Variants in DNAJA4 observed in about 807,000 individuals in gnomAD.
DNAJA4 encodes the protein dnaJ homolog subfamily A member 4.
Under a neutral mutation model 39.7 loss-of-function variants are expected in DNAJA4, and 32 were observed. The observed-to-expected ratio is 0.81, with a 90% confidence interval of 0.61 to 1.08. The LOEUF (loss-of-function observed/expected upper bound fraction) is 1.08. Ranked by LOEUF, DNAJA4 falls within the 50% of genes least tolerant of loss-of-function variation. The pLI is 0.00. For synonymous variants in DNAJA4, 184 were observed against 182.4 expected, an observed-to-expected ratio of 1.01 and a Z score of -0.07; for missense variants, 439 against 505.1, an observed-to-expected ratio of 0.87 and a Z score of 1.25.
intron 1 of DNAJA4, among the ~76,000 whole-genome samples, chr15:78,268,834 G>A (rs1235182464): frequency 6.6e-6 from 1 of 152,236 alleles, no homozygotes; most frequent in African/African-American, 2.4e-5. Flanking sequence ...GGGGGCTACA[G>A]CATAAGCAGT....
At chr15:78,278,100 G>A (rs751448300) in intron 5 of DNAJA4, 1 of 455,956 alleles carries the variant, frequency 2.2e-6, no homozygotes, top group South Asian at 1.5e-5. Context: ...GCTGAGGATT[G>A]GATTAATTAA....
chr15:78,266,112 A>G, intron 1 of DNAJA4: 5 of 841,860 alleles, frequency 5.9e-6, no homozygotes, highest in Non-Finnish European at 7.4e-6. Context: ...TTTTAAAGGC[A>G]CTGGCGTTTT....
chr15:78,267,185 T>TGA (rs2049158979), intron 1 of DNAJA4, among the ~76,000 whole-genome samples: 1 of 102,516 alleles, frequency 9.8e-6, no homozygotes, highest in East Asian at 3.8e-4. Context: ...TGTGTGAGTG[T>TGA]GTGTGTGAGT....
At chr15:78,277,778 G>A in intron 5 of DNAJA4, 1 of 340,166 alleles carries the variant, frequency 2.9e-6, no homozygotes, top group South Asian at 2.4e-5. Context: ...GAGCCAAATG[G>A]AGTGAGGGTG....
chr15:78,273,739 T>G (rs890331857), intron 3 of DNAJA4, among the ~76,000 whole-genome samples: 1 of 152,188 alleles, frequency 6.6e-6, no homozygotes, highest in African/African-American at 2.4e-5. Flanking sequence ...TATATATAAT[T>G]ATTGTAATTT....
intron 1 of DNAJA4, chr15:78,265,479 A>G (rs762131388): frequency 1.4e-5 from 10 of 702,244 alleles, no homozygotes; most frequent in Non-Finnish European, 2.3e-5. Flanking sequence ...TTTATTAAAC[A>G]GGGACACGGA....
chr15:78,279,969 G>A lies in DNAJA4; in HGVS notation c.878-76G>A, dbSNP rs1595929984. On this transcript the variant is annotated intron_variant, in intron 5 of 6. Coordinates refer to ENST00000394852, the MANE Select transcript of DNAJA4 (RefSeq NM_001130182.2). This position sits in a 1 kb window ranked among gnomAD's most constrained non-coding sequence, Gnocchi z 4.5. ...CCACGGGGCACTAGGGCCTGCCGCAGGCTCTCCCATGAGGGAGAACGACCT... is the reference window on the plus strand; with the variant it reads ...CCACGGGGCACTAGGGCCTGCCGCAAGCTCTCCCATGAGGGAGAACGACCT... The A allele has an allele frequency of 5.7e-6, 8 of 1,415,900 alleles. No homozygotes were observed. In the African/African-American group the frequency reaches 5.7e-5, roughly 10 times the overall value. The allele number at this position is 1,415,900 out of a possible 1,614,324, so 87.7% of individuals were successfully genotyped here.
At position 78,281,146 on chromosome 15, in the gene DNAJA4, T is replaced by C. The variant is rs192849454; in HGVS notation, c.*686T>C. On this transcript the variant is annotated 3_prime_UTR_variant, in exon 7 of 7. Coordinates refer to ENST00000394852, the MANE Select transcript of DNAJA4 (RefSeq NM_001130182.2). The stretch of plus-strand genomic sequence containing the variant: ...AGGACAAACCAGTGTTTGAATCATA[T>C]GCTGATAACTGTTTGCCTGTGACCC... 261 of 152,816 alleles carry C rather than the reference T, an allele frequency of 1.7e-3. 1 individual carries two copies. The highest frequency in any genetic ancestry group is 6.0e-3 in the African/African-American group (251 of 41,586). The allele number at this position is 152,816 out of a possible 1,614,324, so 9.5% of individuals were successfully genotyped here. A position where few individuals can be genotyped will look rare whatever the true frequency, so the allele number is the denominator to read the frequency against.
In DNAJA4 at chr15:78,280,062, G is replaced by A; in HGVS notation, c.895G>A (p.Gly299Arg). 1 of 1,614,198 alleles carries A rather than the reference G, an allele frequency of 6.2e-7. No individual in the cohort carries two copies. Among genetic ancestry groups the A allele is most frequent in the African/African-American group, 1.3e-5 (1 of 75,044 alleles). Residue 299 changes from glycine to arginine, a missense_variant, in exon 6 of 7, where the codon GGG becomes AGG. Coordinates refer to ENST00000394852, the MANE Select transcript of DNAJA4 (RefSeq NM_001130182.2). The part of the protein sequence containing the change: ...TSKAGEVIKH[G>R]DLRCVRDEGM... ...TCTGGCAGGTGAGGTGATAAAGCACGGGGACCTGAGATGCGTGCGCGATGA... is the reference window on the plus strand; with the variant it reads ...TCTGGCAGGTGAGGTGATAAAGCACAGGGACCTGAGATGCGTGCGCGATGA...
Position 78,280,543 on chromosome 15 carries a change from G to A in DNAJA4, c.*83G>A, listed in dbSNP as rs1012942394. 87 of 1,230,600 alleles carry A rather than the reference G, an allele frequency of 7.1e-5. 1 individual carries two copies. The Admixed American group carries it at 1.2e-3, about 17-fold the overall frequency. The allele number at this position is 1,230,600 out of a possible 1,614,324, so 76.2% of individuals were successfully genotyped here. A position where few individuals can be genotyped will look rare whatever the true frequency, so the allele number is the denominator to read the frequency against. ...ACAATGAAAATGACATCGCTTTAATGGCCTTGTGTTTGGGATGTCCTGTGT... is the reference window on the plus strand; with the variant it reads ...ACAATGAAAATGACATCGCTTTAATAGCCTTGTGTTTGGGATGTCCTGTGT... On this transcript the variant is annotated 3_prime_UTR_variant, in exon 7 of 7. Transcript: ENST00000394852.
intron 1 of DNAJA4, chr15:78,266,243 A>G (rs1156748849): frequency 1.3e-6 from 2 of 1,497,436 alleles, no homozygotes; most frequent in East Asian, 2.2e-5. Context: ...GGCTAAAGAC[A>G]TGTGGGAAAG....
chr15:78,279,990 G>A lies in DNAJA4; in HGVS notation c.878-55G>A, dbSNP rs985927330. On this transcript the variant is annotated intron_variant, in intron 5 of 6. Transcript: ENST00000394852. The surrounding 1 kb of genome is among the most constrained non-coding windows in gnomAD (Gnocchi z 4.5). ...CGCAGGCTCTCCCATGAGGGAGAAC[G>A]ACCTCTGCAGGCCCCTCTGCCTTCC... 15 of 1,560,480 alleles carry A rather than the reference G, an allele frequency of 9.6e-6. No individual in the cohort carries two copies. Among genetic ancestry groups the A allele is most frequent in the African/African-American group, 6.8e-5 (5 of 73,064 alleles).
intron 5 of DNAJA4, among the ~76,000 whole-genome samples, chr15:78,276,753 G>C (rs2049472862): frequency 6.6e-6 from 1 of 152,236 alleles, no homozygotes; most frequent in African/African-American, 2.4e-5. Context: ...TGGTGCAAAA[G>C]GGGTAGGTTC....
chr15:78,266,310 G>T, intron 1 of DNAJA4: 1 of 1,609,866 alleles, frequency 6.2e-7, no homozygotes, highest in Admixed American at 1.7e-5. Flanking sequence ...TCATGCCTCT[G>T]TGTATACAGT....
At chr15:78,278,916 G>A (rs1220949154) in intron 5 of DNAJA4, among the ~76,000 whole-genome samples, 9 of 136,934 alleles carry the variant, frequency 6.6e-5, no homozygotes, top group Non-Finnish European at 1.1e-4. Context: ...TGATCCGCCC[G>A]CCTCGGCCTC....
At chr15:78,266,164 T>C in intron 1 of DNAJA4, 1 of 1,520,134 alleles carries the variant, frequency 6.6e-7, no homozygotes. Context: ...CTACATTCAT[T>C]GTGGTCCGCT....
Position 78,275,608 on chromosome 15 carries a change from CAG to C in DNAJA4, c.761_762del (p.Arg254ThrfsTer4). On this transcript the variant is annotated frameshift_variant, in exon 5 of 7. Transcript: ENST00000394852. LOFTEE classifies it high-confidence loss of function. ...VLDQKDHSVFQRRGHDLIMKM... is the reference protein window; with the variant it reads ...VLDQKDHSVFXRRGHDLIMKM... ...TGATCAGAAGGATCATAGTGTCTTT[CAG>C]AGACGAGGCCATGACTTGATCATGA... The C allele has an allele frequency of 1.2e-6, 2 of 1,614,130 alleles. No individual in the cohort carries two copies. The highest frequency in any genetic ancestry group is 1.7e-6 in the Non-Finnish European group (2 of 1,180,002).
At chr15:78,277,670 A>T (rs1214002437) in intron 5 of DNAJA4, among the ~76,000 whole-genome samples, 1 of 152,078 alleles carries the variant, frequency 6.6e-6, no homozygotes, top group Non-Finnish European at 1.5e-5. Context: ...TTCTTTGGGA[A>T]AGCCTGTCCT....
At position 78,264,604 on chromosome 15, in the gene DNAJA4, GGGGGGCGGGCGGGAGCTACAAGCGGC is replaced by G; in HGVS notation, c.-157_-132del. On this transcript the variant is annotated 5_prime_UTR_variant, in exon 1 of 7. Transcript: ENST00000394852. ...CGTGGAAGTCGGTCCGGCGCGGGGC[GGGGGGCGGGCGGGAGCTACAAGCGGC>G]GGCGGCGGCGGCGACCGTGACCGTG... The G allele has an allele frequency of 8.8e-7, 1 of 1,141,018 alleles. No homozygotes were observed. Among genetic ancestry groups the G allele is most frequent in the Non-Finnish European group, 1.1e-6 (1 of 931,954 alleles). 70.7% of individuals were successfully genotyped at this position (1,141,018 alleles called of 1,614,324 possible). A position where few individuals can be genotyped will look rare whatever the true frequency, so the allele number is the denominator to read the frequency against.
Sources: allele counts gnomAD v4.1 joint callset (sites outside exome capture counted in the v4.1 genomes callset), GRCh38; gene constraint gnomAD v4.1.1; non-coding constraint Gnocchi (gnomAD v3.1); transcripts MANE v1.5; gene names NCBI Gene and HGNC (gene_info 2026-07-23, HGNC 2026-07-21).